The following FOXK1 variants were observed in gnomAD, a reference collection of about 807,000 sequenced individuals.
FOXK1 encodes the protein forkhead box K1.
FOXK1 carries 19 observed loss-of-function variants against 51.9 expected under a neutral mutation model. The ratio of observed to expected loss-of-function variants is 0.37; its 90% CI spans 0.26 to 0.54. The LOEUF (loss-of-function observed/expected upper bound fraction) is 0.54, where lower values mean the gene tolerates loss of function less well. FOXK1 is among the 20% of genes least tolerant of loss of function. The probability of loss-of-function intolerance (pLI) is 0.87; values close to 1 mark genes in which losing one functional copy is unlikely to be tolerated. For synonymous variants in FOXK1, 537 were observed against 482.6 expected (o/e 1.11, Z -1.48); for missense variants, 870 against 1,032.7 (o/e 0.84, Z 2.16).
At chr7:4,708,957 C>T (rs934206998) in intron 1 of FOXK1, among the ~76,000 whole-genome samples, 25 of 150,942 alleles carry the variant, frequency 1.7e-4, no homozygotes, top group African/African-American at 5.1e-4. Context: ...CCCAGCTACT[C>T]GGGAGACTGA....
In FOXK1 at chr7:4,723,552, G is replaced by A. The variant is rs568241738; in HGVS notation, c.561-17286G>A. ...GGGCCTGTCCATCCCGTCAGCCCAC[G>A]GTGCCTCTACAAACACAGGTCCCTC... On this transcript the variant is annotated intron_variant, in intron 1 of 8. Transcript: ENST00000328914. This position sits in a 1 kb window ranked among gnomAD's most constrained non-coding sequence, Gnocchi z 4.7. Among the ~76,000 whole-genome samples the A allele has an allele frequency of 1.3e-5, 2 of 152,226 alleles. No individual in the cohort carries two copies. Among genetic ancestry groups the A allele is most frequent in the African/African-American group, 2.4e-5 (1 of 41,530 alleles).
intron 1 of FOXK1, among the ~76,000 whole-genome samples, chr7:4,696,305 C>T (rs1404343124): frequency 2.0e-5 from 3 of 151,948 alleles, no homozygotes; most frequent in East Asian, 1.9e-4. Flanking sequence ...AATAAATCGC[C>T]GAGGCTCTGT....
chr7:4,751,066 G>C (rs1425818945), intron 2 of FOXK1, among the ~76,000 whole-genome samples: 1 of 141,256 alleles, frequency 7.1e-6, no homozygotes, highest in Non-Finnish European at 1.5e-5. Flanking sequence ...CCAGGCTGGA[G>C]TGCAGTGGCG....
At chr7:4,739,145 C>A (rs1422304271) in intron 1 of FOXK1, among the ~76,000 whole-genome samples, 1 of 152,174 alleles carries the variant, frequency 6.6e-6, no homozygotes, top group Non-Finnish European at 1.5e-5. Context: ...GATTTAAAAA[C>A]ACAGTCAGGC....
At chr7:4,754,639 G>A (rs545078682) in intron 3 of FOXK1, 24 bp downstream of exon 3, 1 of 1,594,796 alleles carries the variant, frequency 6.3e-7, no homozygotes, top group Non-Finnish European at 8.5e-7. Flanking sequence ...TGGCGCCGTG[G>A]TGCACCTGGT....
Position 4,756,523 on chromosome 7 carries a change from T to C in FOXK1, c.1051-471T>C, listed in dbSNP as rs111692089. 0.2 allele frequency among the ~76,000 whole-genome samples: 29,627 copies of C among 150,858 alleles called. 5,713 individuals carry two copies. The highest frequency in any genetic ancestry group is 0.5 in the African/African-American group (20,722 of 41,254). On this transcript the variant is annotated intron_variant, in intron 4 of 8. Transcript: ENST00000328914. This position sits in a 1 kb window ranked among gnomAD's most constrained non-coding sequence, Gnocchi z 4.1. ...AATGGCAGCCAGGCACAGTAGCTCA[T>C]GCCTGTAATCCCAGCACTTTGGGAG...
Position 4,758,925 on chromosome 7 carries a change from C to G in FOXK1, c.1245-126C>G. 1 of 1,020,900 alleles carries G rather than the reference C, an allele frequency of 9.8e-7. No homozygotes were observed. The highest frequency in any genetic ancestry group is 1.4e-6 in the Non-Finnish European group (1 of 713,452). 63.2% of individuals were successfully genotyped at this position (1,020,900 alleles called of 1,614,324 possible). ...GGGGGCGTTTCTCACCGTCTGAATGCGGAGGACAGAGACGAGCTCCAGGGA... is the reference window on the plus strand; with the variant it reads ...GGGGGCGTTTCTCACCGTCTGAATGGGGAGGACAGAGACGAGCTCCAGGGA... On this transcript the variant is annotated intron_variant, in intron 5 of 8. Transcript: ENST00000328914. The surrounding 1 kb of genome is among the most constrained non-coding windows in gnomAD (Gnocchi z 4.4).
At chr7:4,708,160 G>A (rs895379801) in intron 1 of FOXK1, among the ~76,000 whole-genome samples, 1 of 152,082 alleles carries the variant, frequency 6.6e-6, no homozygotes, top group Non-Finnish European at 1.5e-5. Flanking sequence ...TGAAGGGCCC[G>A]AGTCTTCCAC....
In FOXK1 at chr7:4,748,582, C is replaced by A. The variant is rs1011945213; in HGVS notation, c.747-5877C>A. On this transcript the variant is annotated intron_variant, in intron 2 of 8. Coordinates refer to ENST00000328914, the MANE Select transcript of FOXK1 (RefSeq NM_001037165.2). The surrounding 1 kb of genome is among the most constrained non-coding windows in gnomAD (Gnocchi z 4.9). ...TCTTCTCCACCATCCTGGGAATCCC[C>A]TCAGGAGGTGGTGGTGGAGAGAGGG... Among the ~76,000 whole-genome samples, 3 of 152,202 alleles carry A rather than the reference C, an allele frequency of 2.0e-5. No homozygotes were observed. Among genetic ancestry groups the A allele is most frequent in the Admixed American group, 6.5e-5 (1 of 15,276 alleles).
intron 2 of FOXK1, among the ~76,000 whole-genome samples, chr7:4,741,972 A>T (rs922223845): frequency 2.0e-5 from 3 of 152,246 alleles, no homozygotes; most frequent in Non-Finnish European, 2.9e-5. Context: ...TGGAGGGTTC[A>T]TACATTCTTT....
intron 1 of FOXK1, among the ~76,000 whole-genome samples, chr7:4,704,367 C>G (rs1235257019): frequency 6.7e-6 from 1 of 149,000 alleles, no homozygotes; most frequent in Non-Finnish European, 1.5e-5. Context: ...AGGAGAATCA[C>G]TTGAACTCAG....
intron 7 of FOXK1, among the ~76,000 whole-genome samples, chr7:4,760,638 GTCAGAAGT>G (rs1350862302): frequency 6.6e-6 from 1 of 152,146 alleles, no homozygotes; most frequent in Non-Finnish European, 1.5e-5. Context: ...ATCACTTGAG[GTCAGAAGT>G]TCAAGACCAG....
At position 4,705,779 on chromosome 7, in the gene FOXK1, C is replaced by T. The variant is rs796314981; in HGVS notation, c.560+22911C>T. 3.1e-3 allele frequency among the ~76,000 whole-genome samples: 455 copies of T among 146,072 alleles called. 17 individuals are homozygous for T. The highest frequency in any genetic ancestry group is 0.03 in the Admixed American group (443 of 14,888). ...GTCTCGATCTCCCAACCTCGTGACCCCCCCCCGCCTCAGCCTCTCAAAGTG... is the reference window on the plus strand; with the variant it reads ...GTCTCGATCTCCCAACCTCGTGACCTCCCCCCGCCTCAGCCTCTCAAAGTG... On this transcript the variant is annotated intron_variant, in intron 1 of 8. Transcript: ENST00000328914.
chr7:4,737,552 C>CTGTGTGTGTGTGTGTGTG (rs146678822), intron 1 of FOXK1, among the ~76,000 whole-genome samples: 14 of 148,986 alleles, frequency 9.4e-5, no homozygotes, highest in African/African-American at 3.4e-4. Context: ...GTGTGCGTGC[C>CTGTGTGTGTGTGTGTGTG]TGTGTGTGTG....
In FOXK1 at chr7:4,735,702, G is replaced by A. The variant is rs1780543623; in HGVS notation, c.561-5136G>A. Among the ~76,000 whole-genome samples, 1 of 152,198 alleles carries A rather than the reference G, an allele frequency of 6.6e-6. No homozygotes were observed. The highest frequency in any genetic ancestry group is 1.5e-5 in the Non-Finnish European group (1 of 68,040). On this transcript the variant is annotated intron_variant, in intron 1 of 8. Transcript: ENST00000328914. This position sits in a 1 kb window ranked among gnomAD's most constrained non-coding sequence, Gnocchi z 4.7. ...CCTTAGCGGAATCTCCGCCGGTCAAGACCGGCAGTGTGTGTGGCTGGGTTT... is the reference window on the plus strand; with the variant it reads ...CCTTAGCGGAATCTCCGCCGGTCAAAACCGGCAGTGTGTGTGGCTGGGTTT...
intron 1 of FOXK1, among the ~76,000 whole-genome samples, chr7:4,727,275 T>G (rs898481104): frequency 1.3e-5 from 2 of 152,168 alleles, no homozygotes; most frequent in African/African-American, 4.8e-5. Flanking sequence ...GAATTTCATG[T>G]TAAGGTTTGC....
intron 1 of FOXK1, among the ~76,000 whole-genome samples, chr7:4,712,055 CT>C (rs374823663): frequency 0.023 from 3,335 of 145,128 alleles, 50 homozygotes; most frequent in Non-Finnish European, 0.033. Context: ...ATCATCTGTG[CT>C]TTTTTTTTTT....
intron 1 of FOXK1, among the ~76,000 whole-genome samples, chr7:4,701,986 G>T (rs1268104606): frequency 6.6e-6 from 1 of 152,172 alleles, no homozygotes; most frequent in African/African-American, 2.4e-5. Flanking sequence ...GAGGTGAGAA[G>T]ATCGCCTGAG....
chr7:4,761,438 T>C lies in FOXK1; in HGVS notation c.1921+150T>C. ...TGCTATACTCCAGGCACTGGGGTAATGCAAAGAAAAAGAGGGTGGAAGGGG... is the reference window on the plus strand; with the variant it reads ...TGCTATACTCCAGGCACTGGGGTAACGCAAAGAAAAAGAGGGTGGAAGGGG... On this transcript the variant is annotated intron_variant, in intron 8 of 8. Transcript: ENST00000328914. The surrounding 1 kb of genome is among the most constrained non-coding windows in gnomAD (Gnocchi z 6.2). 4.5e-6 allele frequency: 4 copies of C among 883,936 alleles called. No individual in the cohort carries two copies. The South Asian group carries it at 6.6e-5, about 15-fold the overall frequency. 54.8% of individuals were successfully genotyped at this position (883,936 alleles called of 1,614,324 possible).
Sources: gnomAD v4.1 joint callset for allele counts (sites outside exome capture counted in the v4.1 genomes callset) on GRCh38, gnomAD v4.1.1 for gene constraint, Gnocchi (gnomAD v3.1) non-coding constraint, MANE v1.5 for transcripts, NCBI Gene and HGNC (gene_info 2026-07-23, HGNC 2026-07-21) for gene names.